The following TESK2 variants were observed in gnomAD, a reference collection of about 807,000 sequenced individuals.
TESK2 encodes the protein dual specificity testis-specific protein kinase 2.
Under a neutral mutation model 57.1 loss-of-function variants are expected in TESK2, and 39 were observed. That is an observed-to-expected ratio of 0.68 (90% confidence interval 0.53 to 0.89). The LOEUF (loss-of-function observed/expected upper bound fraction) is 0.89. Ranked by LOEUF, TESK2 falls within the 40% of genes least tolerant of loss-of-function variation. The probability of loss-of-function intolerance (pLI) is 0.00; values close to 1 mark genes in which losing one functional copy is unlikely to be tolerated. For missense variants in TESK2, 646 were observed against 732.1 expected, an observed-to-expected ratio of 0.88 and a Z score of 1.36; for synonymous variants, 249 against 267.9, an observed-to-expected ratio of 0.93 and a Z score of 0.69.
Position 45,355,489 on chromosome 1 carries a change from A to G in TESK2, c.394-40T>C, listed in dbSNP as rs770926049. ...GAAAACCCAGCTACCATTTATCAGA[A>G]ATATTTAGGCTAGTGGTGAAACCAT... On this transcript the variant is annotated intron_variant, in intron 4 of 10. Transcript: ENST00000372086. 2.5e-6 allele frequency: 4 copies of G among 1,586,556 alleles called. No individual in the cohort carries two copies. The East Asian group carries it at 6.7e-5, about 27-fold the overall frequency.
intron 3 of TESK2, among the ~76,000 whole-genome samples, chr1:45,391,906 A>G (rs1429944363): frequency 1.3e-5 from 2 of 152,176 alleles, no homozygotes; most frequent in Non-Finnish European, 2.9e-5. Flanking sequence ...CCTCTCTGCA[A>G]TTCAGTTTCT....
intron 4 of TESK2, among the ~76,000 whole-genome samples, chr1:45,382,699 C>T (rs969739296): frequency 1.1e-4 from 16 of 151,990 alleles, no homozygotes; most frequent in African/African-American, 3.9e-4. Flanking sequence ...GGAGAAACCC[C>T]GTCTCTACTA....
chr1:45,420,677 C>T (rs2994669), intron 3 of TESK2, among the ~76,000 whole-genome samples: 10,052 of 151,486 alleles, frequency 0.066, 470 homozygotes, highest in Middle Eastern at 0.099. Context: ...CTCCACTTCC[C>T]GGGTTCAAGC....
chr1:45,414,841 T>C (rs1160675011), intron 3 of TESK2, among the ~76,000 whole-genome samples: 1 of 152,342 alleles, frequency 6.6e-6, no homozygotes, highest in African/African-American at 2.4e-5. Context: ...ACAGCAGAAA[T>C]ATAGAACATT....
intron 4 of TESK2, among the ~76,000 whole-genome samples, chr1:45,372,317 C>T (rs1284346422): frequency 1.3e-5 from 2 of 151,690 alleles, no homozygotes; most frequent in Non-Finnish European, 2.9e-5. Context: ...GTGGCTCAAG[C>T]CTGTAATCCC....
chr1:45,369,770 G>A (rs1043872575), intron 4 of TESK2, among the ~76,000 whole-genome samples: 8 of 151,302 alleles, frequency 5.3e-5, no homozygotes, highest in African/African-American at 1.2e-4. Flanking sequence ...GGAGTGCAGC[G>A]GTACAATCTC....
At chr1:45,355,221 A>G in intron 5 of TESK2, 82 bp downstream of exon 5, 1 of 1,464,990 alleles carries the variant, frequency 6.8e-7, no homozygotes, top group Non-Finnish European at 9.4e-7. Flanking sequence ...CTCTGTGATT[A>G]AATGTTAAAT....
intron 3 of TESK2, among the ~76,000 whole-genome samples, chr1:45,406,952 T>C (rs1323578641): frequency 2.6e-5 from 4 of 152,228 alleles, no homozygotes; most frequent in African/African-American, 9.6e-5. Flanking sequence ...TCTGACCTTA[T>C]CTACTGATTT....
chr1:45,474,149 C>A (rs899715778), intron 1 of TESK2, among the ~76,000 whole-genome samples: 5 of 152,128 alleles, frequency 3.3e-5, no homozygotes, highest in African/African-American at 1.2e-4. Context: ...GCCTGGCCAA[C>A]ATTATGAAAC....
chr1:45,483,099 G>A (rs1309297864), intron 1 of TESK2, among the ~76,000 whole-genome samples: 4 of 150,856 alleles, frequency 2.7e-5, no homozygotes, highest in African/African-American at 7.3e-5. Flanking sequence ...CTAACACGGC[G>A]AAACCCCATC....
chr1:45,457,503 T>C, intron 2 of TESK2, 61 bp downstream of exon 2: 1 of 1,485,126 alleles, frequency 6.7e-7, no homozygotes. Context: ...AACACAACTA[T>C]CAACCTGCAG....
chr1:45,397,538 C>T (rs941550249), intron 3 of TESK2, among the ~76,000 whole-genome samples: 7 of 152,206 alleles, frequency 4.6e-5, no homozygotes, highest in African/African-American at 1.7e-4. Context: ...ATCCAAACCT[C>T]TCTTGCTTTA....
chr1:45,418,798 TC>T, intron 3 of TESK2, among the ~76,000 whole-genome samples: 1 of 152,274 alleles, frequency 6.6e-6, no homozygotes, highest in East Asian at 1.9e-4. Context: ...TCTGAGTTCC[TC>T]CCCTATCTTC....
intron 4 of TESK2, among the ~76,000 whole-genome samples, chr1:45,377,753 C>T (rs1648491247): frequency 6.9e-6 from 1 of 145,510 alleles, no homozygotes; most frequent in South Asian, 2.3e-4. Context: ...AAGGGCCGGG[C>T]ACAGTGGCTC....
intron 4 of TESK2, among the ~76,000 whole-genome samples, chr1:45,377,878 T>C (rs1401787675): frequency 2.0e-5 from 3 of 151,652 alleles, no homozygotes; most frequent in African/African-American, 7.3e-5. Flanking sequence ...ATACAAAAAT[T>C]AGCTGGGTGT....
chr1:45,376,216 T>C (rs953268201), intron 4 of TESK2, among the ~76,000 whole-genome samples: 3 of 125,486 alleles, frequency 2.4e-5, no homozygotes, highest in East Asian at 2.2e-4. Flanking sequence ...TCTCTCTCTT[T>C]TTTTTTTTTT....
chr1:45,423,722 C>T (rs903186559), intron 2 of TESK2, among the ~76,000 whole-genome samples: 2 of 152,146 alleles, frequency 1.3e-5, no homozygotes, highest in Non-Finnish European at 2.9e-5. Context: ...ACACCACTCA[C>T]ACTATTACCC....
intron 3 of TESK2, among the ~76,000 whole-genome samples, chr1:45,404,895 C>T (rs1306869470): frequency 6.6e-6 from 1 of 151,946 alleles, no homozygotes; most frequent in African/African-American, 2.4e-5. Flanking sequence ...CACCTAAGGG[C>T]ACACAATGAG....
chr1:45,442,835 G>C (rs1013519047), intron 2 of TESK2, among the ~76,000 whole-genome samples: 3 of 152,156 alleles, frequency 2.0e-5, no homozygotes, highest in Non-Finnish European at 4.4e-5. Flanking sequence ...ACCCAGGCTG[G>C]AGTGCAGTGG....
Sources: allele counts gnomAD v4.1 joint callset (sites outside exome capture counted in the v4.1 genomes callset), GRCh38; gene constraint gnomAD v4.1.1; transcripts MANE v1.5; gene names NCBI Gene and HGNC (gene_info 2026-07-23, HGNC 2026-07-21).